The following LARP1 variants were observed in gnomAD, a reference collection of about 807,000 sequenced individuals.
LARP1 encodes the protein La ribonucleoprotein 1, translational regulator.
LARP1 carries 36 observed loss-of-function variants against 122.7 expected under a neutral mutation model. The ratio of observed to expected loss-of-function variants is 0.29; its 90% CI spans 0.22 to 0.39. LARP1 has a LOEUF of 0.39. Among genes scored for constraint, LARP1 ranks in the 10% least tolerant of loss-of-function variants. The pLI, the probability that LARP1 is intolerant of heterozygous loss-of-function variation, is 1.00. For missense variants in LARP1, 1,040 were observed against 1,403.6 expected (o/e 0.74, Z 4.14); for synonymous variants, 539 against 528.7 (o/e 1.02, Z -0.27).
Position 154,756,199 on chromosome 5 carries a change from T to C in LARP1, c.436+6T>C. Reference sequence around the variant, plus strand: ...GAACGGACAGTCCCCCCCAGGTGGGTCTCCCTCCTTGCCCTCCTGGGTCCG... The same window carrying C: ...GAACGGACAGTCCCCCCCAGGTGGGCCTCCCTCCTTGCCCTCCTGGGTCCG... On this transcript the variant is annotated splice_donor_region_variant and intron_variant, in intron 1 of 18. Coordinates refer to ENST00000518297, the MANE Select transcript of LARP1 (RefSeq NM_033551.3). The C allele has an allele frequency of 1.6e-6, 2 of 1,253,452 alleles. No homozygotes were observed. The highest frequency in any genetic ancestry group is 1.0e-6 in the Non-Finnish European group (1 of 968,146). 77.6% of individuals were successfully genotyped at this position (1,253,452 alleles called of 1,614,324 possible).
At chr5:154,801,187 CAAAT>C (rs1758322677) in intron 10 of LARP1, among the ~76,000 whole-genome samples, 1 of 152,214 alleles carries the variant, frequency 6.6e-6, no homozygotes, top group Admixed American at 6.5e-5. Context: ...TCTATCAAAA[CAAAT>C]AGTTTTTCTT....
intron 1 of LARP1, among the ~76,000 whole-genome samples, chr5:154,683,539 C>T (rs1753788537): frequency 6.6e-6 from 1 of 152,152 alleles, no homozygotes; most frequent in South Asian, 2.1e-4. Flanking sequence ...ACCTGCTCGC[C>T]CTCTAGTTTG....
chr5:154,785,211 G>C (rs1756785538), intron 1 of LARP1, among the ~76,000 whole-genome samples: 1 of 152,228 alleles, frequency 6.6e-6, no homozygotes, highest in African/African-American at 2.4e-5. Context: ...GCAATGTGGT[G>C]GTGTGGTATC....
chr5:154,718,291 A>C (rs1011926353), intron 1 of LARP1: 1 of 152,212 alleles, frequency 6.6e-6, no homozygotes, highest in Non-Finnish European at 1.5e-5. Flanking sequence ...AGATCTTTAA[A>C]GCCATAGAAT....
At chr5:154,808,764 G>C (rs1759004117) in intron 16 of LARP1, among the ~76,000 whole-genome samples, 161 bp downstream of exon 16, 1 of 152,132 alleles carries the variant, frequency 6.6e-6, no homozygotes, top group African/African-American at 2.4e-5. Flanking sequence ...ATATTCACAT[G>C]GTTCAAATTT....
chr5:154,706,734 A>C (rs898757348), intron 1 of LARP1, among the ~76,000 whole-genome samples: 4 of 152,136 alleles, frequency 2.6e-5, no homozygotes, highest in African/African-American at 9.7e-5. Flanking sequence ...GTTGGAAAAA[A>C]AAAAAACAAA....
chr5:154,773,157 C>T (rs983397292), intron 1 of LARP1, among the ~76,000 whole-genome samples: 2 of 151,984 alleles, frequency 1.3e-5, no homozygotes, highest in East Asian at 1.9e-4. Context: ...ATTAAGAAAA[C>T]GTACGAATGG....
intron 1 of LARP1, among the ~76,000 whole-genome samples, chr5:154,683,305 A>G (rs1753779687): frequency 6.6e-6 from 1 of 152,240 alleles, no homozygotes; most frequent in Non-Finnish European, 1.5e-5. Context: ...CCACGGACAG[A>G]TCTGGCCGGC....
At chr5:154,741,533 G>GC in intron 1 of LARP1, among the ~76,000 whole-genome samples, 1 of 152,226 alleles carries the variant, frequency 6.6e-6, no homozygotes, top group East Asian at 1.9e-4. Context: ...CTGAGAAGGG[G>GC]CCATTTAAGC....
chr5:154,698,699 A>G (rs759585980), intron 1 of LARP1, among the ~76,000 whole-genome samples: 3 of 152,240 alleles, frequency 2.0e-5, no homozygotes, highest in Non-Finnish European at 4.4e-5. Context: ...TGGGCAAATT[A>G]TATTGTGTGT....
At chr5:154,777,453 A>G (rs546341550) in intron 1 of LARP1, among the ~76,000 whole-genome samples, 37 of 152,232 alleles carry the variant, frequency 2.4e-4, no homozygotes, top group Admixed American at 1.0e-3. Context: ...TCCAGGAGAC[A>G]GAGGTTGCAG....
chr5:154,780,170 A>G (rs1034763504), intron 1 of LARP1, among the ~76,000 whole-genome samples: 1 of 152,132 alleles, frequency 6.6e-6, no homozygotes, highest in Non-Finnish European at 1.5e-5. Context: ...CAGGCTACCA[A>G]ATGTGCCCAG....
rs1165575561 is a variant in LARP1 at position 154,808,614 on chromosome 5, T to G, written c.2843+11T>G. 8 of 1,610,002 alleles carry G rather than the reference T, an allele frequency of 5.0e-6. No individual in the cohort carries two copies. The highest frequency in any genetic ancestry group is 5.9e-6 in the Non-Finnish European group (7 of 1,178,028). The stretch of plus-strand genomic sequence containing the variant: ...CAAAGAAGGCTACAGGTGAGCAGGT[T>G]TGGGTGGGGGACTTTGGCTGGTGCT... On this transcript the variant is annotated intron_variant, in intron 16 of 18. Coordinates refer to ENST00000518297, the MANE Select transcript of LARP1 (RefSeq NM_033551.3).
rs183264308 is a variant in LARP1, at chr5:154,756,358, C to T, written c.436+165C>T. 1,908 of 966,300 alleles carry T rather than the reference C, an allele frequency of 2.0e-3. 2 individuals are homozygous for T. The highest frequency in any genetic ancestry group is 2.3e-3 in the Admixed American group (37 of 16,406). 59.9% of individuals were successfully genotyped at this position (966,300 alleles called of 1,614,324 possible). A position where few individuals can be genotyped will look rare whatever the true frequency, so the allele number is the denominator to read the frequency against. ...ATCCTGGTCGCCGCGCCCTCCCCCC[C>T]ACCGTACACTCAGGGACCTGCCCCT... On this transcript the variant is annotated intron_variant, in intron 1 of 18. Transcript: ENST00000518297.
At chr5:154,798,589 T>C (rs932162407) in intron 8 of LARP1, among the ~76,000 whole-genome samples, 4 of 152,118 alleles carry the variant, frequency 2.6e-5, no homozygotes, top group African/African-American at 9.7e-5. Flanking sequence ...ACAGTGGTGT[T>C]ATCAAAGCTC....
intron 8 of LARP1, among the ~76,000 whole-genome samples, chr5:154,797,353 C>G (rs987751718): frequency 6.6e-6 from 1 of 150,556 alleles, no homozygotes; most frequent in Non-Finnish European, 1.5e-5. Flanking sequence ...CCTGCCTCAG[C>G]CTTCCAAGTA....
intron 1 of LARP1, among the ~76,000 whole-genome samples, chr5:154,778,366 C>A (rs1438724029): frequency 6.6e-6 from 1 of 151,436 alleles, no homozygotes; most frequent in Admixed American, 6.6e-5. Context: ...TAGGTTACAT[C>A]AAAATAACTG....
chr5:154,754,461 T>C (rs1753672322), upstream of LARP1, among the ~76,000 whole-genome samples: 1 of 152,006 alleles, frequency 6.6e-6, no homozygotes, highest in South Asian at 2.1e-4. Context: ...CAGGATAAAA[T>C]CTCAGATCTC....
chr5:154,742,314 C>A (rs1254264950), intron 1 of LARP1, among the ~76,000 whole-genome samples: 2 of 152,180 alleles, frequency 1.3e-5, no homozygotes, highest in Non-Finnish European at 2.9e-5. Flanking sequence ...GTAATCCCAG[C>A]ACATTGGGAG....
Sources: allele counts gnomAD v4.1 joint callset (sites outside exome capture counted in the v4.1 genomes callset), GRCh38; gene constraint gnomAD v4.1.1; transcripts MANE v1.5; gene names NCBI Gene and HGNC (gene_info 2026-07-23, HGNC 2026-07-21).